SAMD5: variants seen among roughly 807,000 people sequenced by gnomAD.
SAMD5 encodes the protein sterile alpha motif domain-containing protein 5.
In SAMD5, 13 loss-of-function variants were observed where a neutral mutation model predicts 11.3. The observed-to-expected ratio is 1.15, with a 90% CI of 0.75 to 1.83. SAMD5 has a LOEUF of 1.83. SAMD5 is among the 40% of genes most tolerant of loss of function. The probability of loss-of-function intolerance (pLI) is 0.00; values close to 1 mark genes in which losing one functional copy is unlikely to be tolerated. For synonymous variants in SAMD5, 129 were observed against 111.3 expected (o/e 1.16, Z -1.00); for missense variants, 255 against 239.1 (o/e 1.07, Z -0.44).
intron 1 of SAMD5, among the ~76,000 whole-genome samples, chr6:147,585,691 A>G (rs1210704346): frequency 6.6e-6 from 1 of 152,078 alleles, no homozygotes; most frequent in Admixed American, 6.5e-5. Flanking sequence ...AATATTAAAA[A>G]CCAGCCATTT....
chr6:147,563,535 CT>C (rs1788988293), intron 1 of SAMD5, among the ~76,000 whole-genome samples: 1 of 152,206 alleles, frequency 6.6e-6, no homozygotes, highest in Admixed American at 6.5e-5. Context: ...TCCAACTTTC[CT>C]TTTCTTCCTC....
chr6:147,856,900 G>A, the SAMD5 span, among the ~76,000 whole-genome samples: 1 of 151,730 alleles, frequency 6.6e-6, no homozygotes, highest in Non-Finnish European at 1.5e-5. Flanking sequence ...AAAAATGTCG[G>A]CAACAATGCA....
At chr6:147,625,273 C>A (rs984525354) in intron 1 of SAMD5, among the ~76,000 whole-genome samples, 1 of 152,128 alleles carries the variant, frequency 6.6e-6, no homozygotes, top group Non-Finnish European at 1.5e-5. Flanking sequence ...GGTATTTAGT[C>A]GTCATGGTAA....
the SAMD5 span, among the ~76,000 whole-genome samples, chr6:147,752,176 G>GAATTTATAATCTTGAT: frequency 2.0e-5 from 3 of 152,086 alleles, no homozygotes; most frequent in Non-Finnish European, 2.9e-5. Context: ...CTTGAAGTCT[G>GAATTTATAATCTTGAT]AATTTATAAT....
At chr6:147,739,260 A>G (rs914647666), downstream of SAMD5, among the ~76,000 whole-genome samples, 1 of 152,210 alleles carries the variant, frequency 6.6e-6, no homozygotes, top group Non-Finnish European at 1.5e-5. Context: ...ATTTTTTGCC[A>G]AAGAATATTT....
the SAMD5 span, among the ~76,000 whole-genome samples, chr6:147,800,152 T>C: frequency 1.3e-5 from 2 of 152,212 alleles, no homozygotes; most frequent in Non-Finnish European, 2.9e-5. Flanking sequence ...ACTCTGATTT[T>C]TAGAGTTTCC....
At chr6:147,755,268 T>C in the SAMD5 span, among the ~76,000 whole-genome samples, 58 of 152,128 alleles carry the variant, frequency 3.8e-4, no homozygotes, top group Non-Finnish European at 6.6e-4. Context: ...TATAGAGATC[T>C]TCCACTTCTT....
intron 1 of SAMD5, among the ~76,000 whole-genome samples, chr6:147,526,549 G>T (rs1344952340): frequency 6.6e-6 from 1 of 152,228 alleles, no homozygotes; most frequent in Non-Finnish European, 1.5e-5. Context: ...AGGTATTGGA[G>T]TATCTTTCAG....
At chr6:147,678,602 T>C (rs1353105620) in intron 1 of SAMD5, among the ~76,000 whole-genome samples, 1 of 152,182 alleles carries the variant, frequency 6.6e-6, no homozygotes, top group East Asian at 1.9e-4. Context: ...CATCTATACC[T>C]GTTACCTCTC....
the SAMD5 span, among the ~76,000 whole-genome samples, chr6:147,902,026 C>G: frequency 6.6e-6 from 1 of 152,030 alleles, no homozygotes; most frequent in African/African-American, 2.4e-5. Context: ...GTTTCTAGTT[C>G]AGAAATCAAT....
At chr6:147,933,603 C>T in the SAMD5 span, among the ~76,000 whole-genome samples, 1 of 152,164 alleles carries the variant, frequency 6.6e-6, no homozygotes, top group Non-Finnish European at 1.5e-5. Flanking sequence ...TTGAGTTAGA[C>T]TGAGGTGTTG....
chr6:147,737,167 A>G, intron 1 of SAMD5: 3 of 287,284 alleles, frequency 1.0e-5, no homozygotes, highest in South Asian at 9.6e-5. Context: ...ATAGTAATGT[A>G]TTTTTTTATC....
chr6:147,595,522 C>CTTTTTTTTTTTTTTTTTTT (rs770537446), intron 1 of SAMD5, among the ~76,000 whole-genome samples: 1 of 106,628 alleles, frequency 9.4e-6, no homozygotes, highest in African/African-American at 4.3e-5. Flanking sequence ...ACTAAACTAC[C>CTTTTTTTTTTTTTTTTTTT]TTTTTTTTTT....
At chr6:147,940,395 G>A in the SAMD5 span, among the ~76,000 whole-genome samples, 1 of 152,108 alleles carries the variant, frequency 6.6e-6, no homozygotes, top group Non-Finnish European at 1.5e-5. Flanking sequence ...ATGAGCACCA[G>A]GAGTTGAAGC....
At chr6:147,574,507 A>G (rs1789188621), downstream of SAMD5, among the ~76,000 whole-genome samples, 1 of 152,230 alleles carries the variant, frequency 6.6e-6, no homozygotes, top group South Asian at 2.1e-4. Flanking sequence ...AAAGTTCTCA[A>G]AAAAGAGGGA....
intron 1 of SAMD5, among the ~76,000 whole-genome samples, chr6:147,562,136 C>T (rs1166339067): frequency 6.6e-6 from 1 of 152,126 alleles, no homozygotes; most frequent in Non-Finnish European, 1.5e-5. Context: ...TAGTCCACAC[C>T]GTTAGATGGG....
chr6:147,583,655 C>T (rs1228604851), intron 1 of SAMD5, among the ~76,000 whole-genome samples: 1 of 152,086 alleles, frequency 6.6e-6, no homozygotes, highest in Non-Finnish European at 1.5e-5. Context: ...ATGCAGGAAC[C>T]ATCAGCCCTG....
chr6:147,882,255 A>T, the SAMD5 span, among the ~76,000 whole-genome samples: 1 of 152,218 alleles, frequency 6.6e-6, no homozygotes, highest in Non-Finnish European at 1.5e-5. Context: ...ACATCCAAGA[A>T]TATATTTATT....
chr6:147,546,256 G>A (rs1037336523), intron 1 of SAMD5, among the ~76,000 whole-genome samples: 6 of 152,220 alleles, frequency 3.9e-5, no homozygotes, highest in South Asian at 2.1e-4. Flanking sequence ...TGGGCTGGGC[G>A]CGGTGGCTCA....
Sources: allele counts gnomAD v4.1 joint callset (sites outside exome capture counted in the v4.1 genomes callset), GRCh38; gene constraint gnomAD v4.1.1; transcripts MANE v1.5; gene names NCBI Gene and HGNC (gene_info 2026-07-23, HGNC 2026-07-21).